The following VPS13C variants were observed in gnomAD, a reference collection of about 807,000 sequenced individuals.
VPS13C encodes intermembrane lipid transfer protein VPS13C.
In VPS13C, 358 loss-of-function variants were observed where a neutral mutation model predicts 456.8. The ratio of observed to expected loss-of-function variants is 0.78; its 90% CI spans 0.72 to 0.86. The LOEUF is 0.86. Ranked by LOEUF, VPS13C falls within the 40% of genes least tolerant of loss-of-function variation. VPS13C has a pLI of 0.00. For missense variants in VPS13C, 4,818 were observed against 4,385.4 expected (o/e 1.10, Z -2.79); for synonymous variants, 1,578 against 1,486.7 (o/e 1.06, Z -1.41).
At chr15:62,018,236 G>A (rs151208319) in intron 9 of VPS13C, among the ~76,000 whole-genome samples, 1,711 of 152,092 alleles carry the variant, frequency 0.011, 35 homozygotes, top group African/African-American at 0.039. Context: ...CTGCAAACAC[G>A]GACAATTTGA....
At chr15:61,924,158 C>T (rs1482972539) in intron 53 of VPS13C, among the ~76,000 whole-genome samples, 2 of 151,750 alleles carry the variant, frequency 1.3e-5, no homozygotes, top group Non-Finnish European at 2.9e-5. Flanking sequence ...GAGGCCACCG[C>T]GCCCGGCCAC....
intron 1 of VPS13C, among the ~76,000 whole-genome samples, chr15:62,053,233 A>T (rs570944937): frequency 1.3e-3 from 199 of 152,328 alleles, no homozygotes; most frequent in African/African-American, 4.7e-3. Context: ...GGAGGAAAAG[A>T]CTAAAGAAAA....
At chr15:62,032,154 A>G (rs2047841467) in intron 5 of VPS13C, among the ~76,000 whole-genome samples, 1 of 151,826 alleles carries the variant, frequency 6.6e-6, no homozygotes, top group South Asian at 2.1e-4. Context: ...CCTAATCTGA[A>G]TAGTTTCAAG....
rs2044439466 is a variant in VPS13C at position 61,941,905 on chromosome 15, A to G, written c.5311T>C (p.Ser1771Pro). The change falls in exon 46 of 85, where the codon TCA (serine) becomes CCA (proline). Residue 1771 changes from serine to proline, a missense_variant. Ser to Pro is a moderately conservative substitution (Grantham distance 74, BLOSUM62 -1). This residue lies in a region of VPS13C where 4,552 missense variants were observed against 4,130.6 expected (regional missense o/e 1.10). Transcript: ENST00000644861. The part of the protein sequence containing the change: ...KAPVIIIPQS[S>P]VSPNAVIADL... ...GCTATAACAGCATTAGGTGATACTG[A>G]AGACTGAGGAATAATAATAACTGGT... 2 of 1,613,930 alleles carry G rather than the reference A, an allele frequency of 1.2e-6. No homozygotes were observed. The highest frequency in any genetic ancestry group is 1.3e-5 in the African/African-American group (1 of 74,928).
At chr15:61,892,849 G>A (rs1359917162) in intron 66 of VPS13C, among the ~76,000 whole-genome samples, 1 of 152,178 alleles carries the variant, frequency 6.6e-6, no homozygotes, top group Non-Finnish European at 1.5e-5. Context: ...TTGCTGAACT[G>A]AAAAATGTAT....
chr15:62,010,437 C>T (rs2047000386), intron 13 of VPS13C, 35 bp downstream of exon 13: 3 of 1,531,432 alleles, frequency 2.0e-6, no homozygotes, highest in East Asian at 2.4e-5. Flanking sequence ...AGATTCAAGG[C>T]TAATCAAAGC....
At chr15:62,013,150 A>G in intron 10 of VPS13C, 31 bp from the exon 11 acceptor site, 1 of 1,489,966 alleles carries the variant, frequency 6.7e-7, no homozygotes, top group Non-Finnish European at 9.2e-7. Context: ...AGATCAGGCA[A>G]TCAACACACT....
intron 2 of VPS13C, 27 bp from the exon 3 acceptor site, chr15:62,041,393 G>A (rs942634942): frequency 1.0e-5 from 16 of 1,588,514 alleles, no homozygotes; most frequent in Non-Finnish European, 1.3e-5. Context: ...AAATGTAAAG[G>A]ACATCTTAAA....
intron 61 of VPS13C, among the ~76,000 whole-genome samples, chr15:61,915,397 A>G (rs911933884): frequency 3.9e-5 from 6 of 152,308 alleles, no homozygotes; most frequent in East Asian, 1.9e-4. Context: ...TACTACTACT[A>G]CTACTTCAAG....
chr15:61,904,350 G>C (rs948787263), intron 66 of VPS13C, among the ~76,000 whole-genome samples: 2 of 151,162 alleles, frequency 1.3e-5, no homozygotes, highest in East Asian at 3.9e-4. Context: ...GATCTGAAGA[G>C]GCATATCTCA....
chr15:62,016,920 C>T (rs2047273272), intron 9 of VPS13C, among the ~76,000 whole-genome samples: 1 of 152,166 alleles, frequency 6.6e-6, no homozygotes, highest in Admixed American at 6.6e-5. Flanking sequence ...TCTCCACATC[C>T]TCTCCAGCAC....
intron 3 of VPS13C, among the ~76,000 whole-genome samples, chr15:62,037,340 A>G (rs1308950898): frequency 1.1e-5 from 1 of 90,204 alleles, no homozygotes; most frequent in Non-Finnish European, 2.1e-5. Flanking sequence ...ACATTTATAT[A>G]TAATATATTA....
intron 59 of VPS13C, 122 bp from the exon 60 acceptor site, chr15:61,917,757 C>G (rs1170840915): frequency 3.6e-6 from 4 of 1,125,854 alleles, no homozygotes; most frequent in Non-Finnish European, 4.9e-6. Context: ...TACAGATATA[C>G]AGATGAGGAA....
chr15:61,866,181 C>T, intron 81 of VPS13C: 1 of 984,916 alleles, frequency 1.0e-6, no homozygotes, highest in Non-Finnish European at 1.2e-6. Context: ...TATCCATGCC[C>T]ACACTTGACA....
At position 62,007,342 on chromosome 15, in the gene VPS13C, G is replaced by C; in HGVS notation, c.1256C>G (p.Ser419Cys). The change falls in exon 15 of 85, where the codon TCT becomes TGT. Residue 419 changes from serine to cysteine, a missense_variant. Around this residue, in one of 3 missense-constraint regions of VPS13C, gnomAD observed 4,552 missense variants for 4,130.6 expected, o/e 1.10. Transcript: ENST00000644861. ...TTTCTGTATTTCTTCTGAGACTTTA[G>C]ACTGTGTTAACTTGTTTTTGTAGGC... ...KIAYKNKLTQ[S>C]KVSEEIQKEI... 2.5e-6 allele frequency: 4 copies of C among 1,610,800 alleles called. No homozygotes were observed. Among genetic ancestry groups the C allele is most frequent in the Non-Finnish European group, 3.4e-6 (4 of 1,178,874 alleles).
At chr15:61,860,554 A>T (rs1345997502) in intron 82 of VPS13C, among the ~76,000 whole-genome samples, 2 of 152,220 alleles carry the variant, frequency 1.3e-5, no homozygotes, top group East Asian at 3.8e-4. Context: ...ACTAGGGAAA[A>T]AATGTCCAAT....
chr15:61,881,435 G>T, intron 71 of VPS13C, 128 bp downstream of exon 71: 1 of 899,016 alleles, frequency 1.1e-6, no homozygotes, highest in Non-Finnish European at 1.6e-6. Flanking sequence ...TTGACCAAAA[G>T]TGAATTAATA....
intron 45 of VPS13C, among the ~76,000 whole-genome samples, chr15:61,943,382 A>G (rs2044493869): frequency 6.6e-6 from 1 of 152,228 alleles, no homozygotes; most frequent in Non-Finnish European, 1.5e-5. Context: ...ATAAAGCTAC[A>G]GTAACCCAAA....
chr15:62,023,699 A>G (rs1319572014), intron 7 of VPS13C, 81 bp downstream of exon 7: 12 of 1,353,402 alleles, frequency 8.9e-6, no homozygotes, highest in Non-Finnish European at 1.2e-5. Flanking sequence ...CTGTTATCTG[A>G]CATTCATTTC....
Sources: allele counts gnomAD v4.1 joint callset (sites outside exome capture counted in the v4.1 genomes callset), GRCh38; gene constraint gnomAD v4.1.1; regional missense constraint gnomAD v4.1.1; transcripts MANE v1.5; gene names NCBI Gene and HGNC (gene_info 2026-07-23, HGNC 2026-07-21).